ATAD1: variants seen among roughly 807,000 people sequenced by gnomAD.
ATAD1 encodes ATPase family AAA domain containing 1.
A neutral mutation model predicts 42.7 loss-of-function variants in ATAD1; 18 were observed. The observed-to-expected ratio is 0.42, with a 90% CI of 0.29 to 0.63. The LOEUF (loss-of-function observed/expected upper bound fraction) is 0.63. Among genes scored for constraint, ATAD1 ranks in the 20% least tolerant of loss-of-function variants. The pLI is 0.19. For missense variants in ATAD1, 294 were observed against 440.4 expected, an observed-to-expected ratio of 0.67 and a Z score of 2.98; for synonymous variants, 132 against 143.1, an observed-to-expected ratio of 0.92 and a Z score of 0.55.
At position 87,764,990 on chromosome 10, in the gene ATAD1, A is replaced by C. The variant is rs529440595; in HGVS notation, c.831+2683T>G. 2.1e-4 allele frequency among the ~76,000 whole-genome samples: 32 copies of C among 152,342 alleles called. 1 individual carries two copies. The South Asian group carries it at 6.0e-3, about 29-fold the overall frequency. The stretch of plus-strand genomic sequence containing the variant: ...GAAAACAATAATCAGAGACTTGTAC[A>C]TAGACTAGATAATGAAAATAATGAC... On this transcript the variant is annotated intron_variant, in intron 8 of 9. Coordinates refer to ENST00000680024, the MANE Select transcript of ATAD1 (RefSeq NM_001321967.2).
intron 3 of ATAD1, among the ~76,000 whole-genome samples, chr10:87,791,204 CAA>C (rs33991078): frequency 0.073 from 7,067 of 97,198 alleles, 215 homozygotes; most frequent in Non-Finnish European, 0.11. Flanking sequence ...GACTCTGTCT[CAA>C]AAAAAAAAAA....
intron 2 of ATAD1, among the ~76,000 whole-genome samples, chr10:87,794,898 T>G (rs1327831496): frequency 6.6e-6 from 1 of 152,236 alleles, no homozygotes; most frequent in Non-Finnish European, 1.5e-5. Context: ...ATCTCTTTCC[T>G]GCAACAGCAG....
At chr10:87,800,496 G>A (rs1343972724) in intron 2 of ATAD1, among the ~76,000 whole-genome samples, 2 of 152,034 alleles carry the variant, frequency 1.3e-5, no homozygotes, top group East Asian at 3.9e-4. Flanking sequence ...TTCTGGCAGT[G>A]CAGGTCTTTT....
Position 87,754,730 on chromosome 10 carries a change from T to C in ATAD1, c.1043A>G (p.Asp348Gly). The C allele has an allele frequency of 6.2e-7, 1 of 1,613,810 alleles. No homozygotes were observed. Among genetic ancestry groups the C allele is most frequent in the Non-Finnish European group, 8.5e-7 (1 of 1,179,796 alleles). Residue 348 changes from aspartate (D) to glycine (G), a missense_variant, in exon 10 of 10, where the codon GAT becomes GGT. Transcript: ENST00000680024. ...RAIEKMKKSK[D>G]AAFQNVLTHV... The stretch of plus-strand genomic sequence containing the variant: ...TGTTAAAACATTCTGAAATGCTGCA[T>C]CCTTTGATTTCTTCATCTTTTCAAT...
intron 5 of ATAD1, among the ~76,000 whole-genome samples, chr10:87,781,953 G>GT (rs11313347): frequency 5.1e-4 from 76 of 147,784 alleles, no homozygotes; most frequent in Non-Finnish European, 4.8e-4. Flanking sequence ...CCTGAGAATT[G>GT]TTTTTTTTTT....
chr10:87,803,368 G>C (rs1263700512), intron 2 of ATAD1, among the ~76,000 whole-genome samples: 1 of 152,158 alleles, frequency 6.6e-6, no homozygotes, highest in Non-Finnish European at 1.5e-5. Context: ...ATAAATCTTG[G>C]AGACCCCAAA....
At chr10:87,838,646 G>A (rs979910529) in intron 1 of ATAD1, among the ~76,000 whole-genome samples, 5 of 152,148 alleles carry the variant, frequency 3.3e-5, no homozygotes, top group Middle Eastern at 3.4e-3. Context: ...GCCTTTGAGA[G>A]GTAATTAGGA....
At chr10:87,794,711 T>A (rs911357961) in intron 2 of ATAD1, among the ~76,000 whole-genome samples, 1 of 152,230 alleles carries the variant, frequency 6.6e-6, no homozygotes, top group Admixed American at 6.5e-5. Context: ...TTTTATTCCC[T>A]ATTAGCTAGT....
At chr10:87,781,809 A>G (rs1855574386) in intron 5 of ATAD1, among the ~76,000 whole-genome samples, 1 of 151,862 alleles carries the variant, frequency 6.6e-6, no homozygotes, top group African/African-American at 2.4e-5. Flanking sequence ...CACCCGGCTA[A>G]TTTTTGTATT....
chr10:87,789,622 T>G (rs1855998247), intron 4 of ATAD1, among the ~76,000 whole-genome samples: 1 of 152,020 alleles, frequency 6.6e-6, no homozygotes. Flanking sequence ...CTCAGGAGGC[T>G]CAGGTGGGAG....
chr10:87,819,985 TA>T (rs138112735), upstream of ATAD1, among the ~76,000 whole-genome samples: 964 of 149,834 alleles, frequency 6.4e-3, 10 homozygotes, highest in South Asian at 0.017. Flanking sequence ...ATTCCTAATT[TA>T]AAAAAAAAAT....
chr10:87,823,199 T>C (rs932769427), upstream of ATAD1, among the ~76,000 whole-genome samples: 1 of 152,104 alleles, frequency 6.6e-6, no homozygotes, highest in African/African-American at 2.4e-5. Context: ...TGAGTGTATA[T>C]AAAAAGAAGT....
chr10:87,830,899 T>G (rs985949196), intron 1 of ATAD1, among the ~76,000 whole-genome samples: 3 of 152,182 alleles, frequency 2.0e-5, no homozygotes, highest in African/African-American at 7.2e-5. Flanking sequence ...TTTAGAAAGA[T>G]ATAATTTCAA....
chr10:87,771,957 A>G (rs1302622325), intron 6 of ATAD1, among the ~76,000 whole-genome samples: 1 of 152,116 alleles, frequency 6.6e-6, no homozygotes, highest in African/African-American at 2.4e-5. Context: ...TTTCTCCCTA[A>G]GAGGTTTTAC....
intron 8 of ATAD1, among the ~76,000 whole-genome samples, chr10:87,761,382 C>T (rs1224905477): frequency 6.6e-6 from 1 of 152,154 alleles, no homozygotes; most frequent in Non-Finnish European, 1.5e-5. Context: ...CCTGTATCTG[C>T]TGGGTGGGAT....
intron 2 of ATAD1, among the ~76,000 whole-genome samples, chr10:87,796,484 T>C (rs1856393507): frequency 6.6e-6 from 1 of 152,218 alleles, no homozygotes; most frequent in Non-Finnish European, 1.5e-5. Flanking sequence ...CCTGCCTTTG[T>C]TTCCAGTTCC....
chr10:87,797,724 G>C, intron 2 of ATAD1, among the ~76,000 whole-genome samples: 1 of 152,310 alleles, frequency 6.6e-6, no homozygotes. Context: ...GGGTGGCTGA[G>C]CACAGTTTAC....
intron 8 of ATAD1, among the ~76,000 whole-genome samples, chr10:87,758,194 GTTACAA>G (rs1389921195): frequency 6.6e-6 from 1 of 152,058 alleles, no homozygotes; most frequent in Non-Finnish European, 1.5e-5. Context: ...ACTCTAAAGT[GTTACAA>G]TTAAAGCATT....
At chr10:87,790,261 T>C (rs916952136) in intron 4 of ATAD1, 49 bp downstream of exon 4, 2 of 1,584,564 alleles carry the variant, frequency 1.3e-6, no homozygotes, top group African/African-American at 1.4e-5. Flanking sequence ...AAAGTTTCAA[T>C]GTTTTCTAGG....
Sources: allele counts gnomAD v4.1 joint callset (sites outside exome capture counted in the v4.1 genomes callset), GRCh38; gene constraint gnomAD v4.1.1; transcripts MANE v1.5; gene names NCBI Gene and HGNC (gene_info 2026-07-23, HGNC 2026-07-21).